Variants in FERMT2 observed in about 807,000 individuals in gnomAD.
FERMT2 encodes FERM domain containing kindlin 2.
A neutral mutation model predicts 82.7 loss-of-function variants in FERMT2; 15 were observed. The observed-to-expected ratio is 0.18, with a 90% CI of 0.12 to 0.28. The LOEUF is 0.28. Among genes scored for constraint, FERMT2 ranks in the 10% least tolerant of loss-of-function variants. The pLI is 1.00. For synonymous variants in FERMT2, 274 were observed against 271.5 expected (o/e 1.01, Z -0.09); for missense variants, 645 against 809.4 (o/e 0.80, Z 2.46).
chr14:52,882,091 C>G (rs1163970423), intron 4 of FERMT2, among the ~76,000 whole-genome samples: 1 of 152,122 alleles, frequency 6.6e-6, no homozygotes, highest in Non-Finnish European at 1.5e-5. Context: ...ATGTCTACAA[C>G]TTTTACCACC....
chr14:52,894,455 G>C (rs1046187498), intron 3 of FERMT2, among the ~76,000 whole-genome samples: 3 of 152,054 alleles, frequency 2.0e-5, no homozygotes, highest in African/African-American at 7.2e-5. Flanking sequence ...AACAATCCTA[G>C]AATAGTCAAA....
chr14:52,868,415 TTTTCC>T (rs973244622), intron 10 of FERMT2, among the ~76,000 whole-genome samples: 1 of 152,096 alleles, frequency 6.6e-6, no homozygotes, highest in African/African-American at 2.4e-5. Flanking sequence ...CCCCTTGCTC[TTTTCC>T]TTTCCTTTCC....
intron 3 of FERMT2, among the ~76,000 whole-genome samples, chr14:52,895,982 C>A (rs762388646): frequency 6.6e-6 from 1 of 152,100 alleles, no homozygotes; most frequent in African/African-American, 2.4e-5. Flanking sequence ...TGTCATGATG[C>A]CCAGGCTGGT....
chr14:52,902,270 G>A (rs1423060783), intron 3 of FERMT2, among the ~76,000 whole-genome samples: 1 of 151,990 alleles, frequency 6.6e-6, no homozygotes, highest in Non-Finnish European at 1.5e-5. Flanking sequence ...GCGTGCATCT[G>A]TAGTCCCAGT....
At chr14:52,901,522 CAT>C (rs1887649856) in intron 3 of FERMT2, among the ~76,000 whole-genome samples, 2 of 152,138 alleles carry the variant, frequency 1.3e-5, no homozygotes, top group Admixed American at 6.5e-5. Context: ...AACGTAATCA[CAT>C]GAGGCCTCCA....
At chr14:52,859,536 G>A in intron 14 of FERMT2, 37 bp downstream of exon 14, 1 of 1,538,288 alleles carries the variant, frequency 6.5e-7, no homozygotes, top group Non-Finnish European at 8.8e-7. Flanking sequence ...TTGTATCAGA[G>A]AAGGACTATA....
At chr14:52,927,058 T>A (rs907910791) in intron 2 of FERMT2, among the ~76,000 whole-genome samples, 2 of 152,132 alleles carry the variant, frequency 1.3e-5, no homozygotes, top group East Asian at 3.9e-4. Flanking sequence ...TGCTACAACA[T>A]TGACTGAATC....
chr14:52,891,988 A>G (rs1339335862), intron 4 of FERMT2, among the ~76,000 whole-genome samples: 1 of 152,144 alleles, frequency 6.6e-6, no homozygotes, highest in East Asian at 1.9e-4. Flanking sequence ...AACACACAGT[A>G]TAACAATACC....
At chr14:52,939,720 T>C (rs1890009527) in intron 2 of FERMT2, among the ~76,000 whole-genome samples, 1 of 152,278 alleles carries the variant, frequency 6.6e-6, no homozygotes, top group African/African-American at 2.4e-5. Flanking sequence ...CAGTCTATGC[T>C]CCATACCAAG....
intron 1 of FERMT2, 67 bp downstream of exon 1, chr14:52,950,854 C>A: frequency 3.7e-6 from 1 of 273,732 alleles, no homozygotes; most frequent in East Asian, 6.6e-5. Context: ...AGACACAGCG[C>A]GGGCTGACTC....
intron 3 of FERMT2, among the ~76,000 whole-genome samples, chr14:52,895,270 T>A (rs189711660): frequency 4.7e-4 from 71 of 152,312 alleles, no homozygotes; most frequent in African/African-American, 1.5e-3. Context: ...GTAGGACTAT[T>A]AAATGAGACA....
intron 2 of FERMT2, among the ~76,000 whole-genome samples, chr14:52,942,671 GGT>G (rs562236418): frequency 4.6e-5 from 7 of 151,928 alleles, no homozygotes; most frequent in Non-Finnish European, 7.4e-5. Flanking sequence ...ATTGTCCAAA[GGT>G]CATACTAACC....
intron 12 of FERMT2, chr14:52,861,119 A>C: frequency 7.7e-7 from 1 of 1,296,956 alleles, no homozygotes; most frequent in Non-Finnish European, 1.0e-6. Flanking sequence ...AGCAAAGAAA[A>C]AGTTGCGGTC....
intron 2 of FERMT2, among the ~76,000 whole-genome samples, chr14:52,927,590 T>TA (rs1566755584): frequency 1.1e-3 from 13 of 11,786 alleles, no homozygotes; most frequent in African/African-American, 2.8e-3. Context: ...ACCTCATCCC[T>TA]ATAAAAAAAA....
At chr14:52,943,977 AAC>A (rs948138127) in intron 2 of FERMT2, among the ~76,000 whole-genome samples, 1 of 152,222 alleles carries the variant, frequency 6.6e-6, no homozygotes, top group Non-Finnish European at 1.5e-5. Flanking sequence ...GTTGGAAACA[AAC>A]AGTTTTTTAC....
Position 52,881,067 on chromosome 14 carries a change from T to G in FERMT2, c.824A>C (p.Lys275Thr). Residue 275 changes from lysine to threonine, a missense_variant, in exon 6 of 15, where the codon AAG (lysine) becomes ACG (threonine). Lys to Thr is a moderately conservative substitution (Grantham distance 78). Transcript: ENST00000341590. ...KENEALLLRF[K>T]YYSFFDLNPK... is the part of the protein sequence containing the mutation. The stretch of plus-strand genomic sequence containing the variant: ...ATTCAAATCAAAAAAGCTGTAATAC[T>G]TGAATCGGAGCAGCAAGGCCTCATT... 1 of 1,613,168 alleles carries G rather than the reference T, an allele frequency of 6.2e-7. No individual in the cohort carries two copies. Among genetic ancestry groups the G allele is most frequent in the Non-Finnish European group, 8.5e-7 (1 of 1,179,592 alleles).
rs116422991 is a variant in FERMT2, at chr14:52,921,530, T to C, written c.158-2174A>G. ...AACTTTTGGAAACAGAAAATTCTGA[T>C]CTACCTTATAGAAGACAACCAAGGT... On this transcript the variant is annotated intron_variant, in intron 2 of 14. Coordinates refer to ENST00000341590, the MANE Select transcript of FERMT2 (RefSeq NM_006832.3). 4.9e-3 allele frequency among the ~76,000 whole-genome samples: 754 copies of C among 152,324 alleles called. 3 individuals carry two copies. Among genetic ancestry groups the C allele is most frequent in the African/African-American group, 0.017 (716 of 41,560 alleles).
At chr14:52,943,213 GA>G (rs202222984) in intron 2 of FERMT2, among the ~76,000 whole-genome samples, 1 of 119,472 alleles carries the variant, frequency 8.4e-6, no homozygotes, top group African/African-American at 3.4e-5. Context: ...TGTCTCAAAA[GA>G]AAAAAAAATC....
intron 3 of FERMT2, among the ~76,000 whole-genome samples, chr14:52,894,886 TA>T (rs3068971): frequency 0.19 from 26,432 of 140,692 alleles, 3,220 homozygotes; most frequent in African/African-American, 0.36. Flanking sequence ...TATTTAAAAA[TA>T]AAAAAAAAAA....
Sources: allele counts gnomAD v4.1 joint callset (sites outside exome capture counted in the v4.1 genomes callset), GRCh38; gene constraint gnomAD v4.1.1; transcripts MANE v1.5; gene names NCBI Gene and HGNC (gene_info 2026-07-23, HGNC 2026-07-21).